The following ADAMTS9 variants were observed in gnomAD, a reference collection of about 807,000 sequenced individuals.
ADAMTS9 encodes the protein A disintegrin and metalloproteinase with thrombospondin motifs 9.
ADAMTS9 carries 107 observed loss-of-function variants against 257.1 expected under a neutral mutation model. The observed-to-expected ratio is 0.42, with a 90% CI of 0.36 to 0.49. The LOEUF is 0.49. ADAMTS9 is among the 20% of genes least tolerant of loss of function. The probability of loss-of-function intolerance (pLI) is 0.03; values close to 1 mark genes in which losing one functional copy is unlikely to be tolerated. For synonymous variants in ADAMTS9, 982 were observed against 880.9 expected (o/e 1.11, Z -2.03); for missense variants, 2,353 against 2,469.1 (o/e 0.95, Z 1.00).
At chr3:64,645,075 C>T (rs1170370290) in intron 11 of ADAMTS9, among the ~76,000 whole-genome samples, 1 of 152,062 alleles carries the variant, frequency 6.6e-6, no homozygotes, top group Admixed American at 6.5e-5. Flanking sequence ...GAAACATGCA[C>T]CAAGATAATC....
At chr3:64,632,499 G>C (rs1700390607) in intron 14 of ADAMTS9, among the ~76,000 whole-genome samples, 1 of 152,178 alleles carries the variant, frequency 6.6e-6, no homozygotes, top group Non-Finnish European at 1.5e-5. Flanking sequence ...GCCAGCCAAA[G>C]TATGACCATG....
intron 38 of ADAMTS9, among the ~76,000 whole-genome samples, chr3:64,523,275 C>G (rs889454904): frequency 2.6e-5 from 4 of 152,200 alleles, no homozygotes; most frequent in African/African-American, 9.6e-5. Context: ...GTGGTTTTCA[C>G]TGGCTCTTAA....
chr3:64,632,317 T>C (rs957993237), intron 14 of ADAMTS9, among the ~76,000 whole-genome samples: 12 of 152,168 alleles, frequency 7.9e-5, no homozygotes, highest in African/African-American at 2.7e-4. Flanking sequence ...AAGAACTGTA[T>C]CTAATTAAAG....
chr3:64,600,688 G>A (rs2084444392), intron 26 of ADAMTS9, among the ~76,000 whole-genome samples: 1 of 152,164 alleles, frequency 6.6e-6, no homozygotes, highest in African/African-American at 2.4e-5. Context: ...CTAGGCAAAG[G>A]AAGCCCAAAA....
chr3:64,631,313 G>A, intron 16 of ADAMTS9, 142 bp downstream of exon 16: 1 of 675,812 alleles, frequency 1.5e-6, no homozygotes, highest in East Asian at 2.6e-5. Flanking sequence ...AAATACAATG[G>A]TGAATTTTGA....
At chr3:64,641,219 T>C (rs908913418) in intron 12 of ADAMTS9, among the ~76,000 whole-genome samples, 1 of 151,848 alleles carries the variant, frequency 6.6e-6, no homozygotes, top group African/African-American at 2.4e-5. Flanking sequence ...TGTGAAAATC[T>C]ATCTAGTCAC....
chr3:64,613,020 C>A (rs1343056372), intron 22 of ADAMTS9, among the ~76,000 whole-genome samples: 1 of 152,068 alleles, frequency 6.6e-6, no homozygotes, highest in East Asian at 1.9e-4. Flanking sequence ...TGTAACAGAC[C>A]CACAGAGGCA....
chr3:64,526,938 G>A (rs2082917849), intron 38 of ADAMTS9, among the ~76,000 whole-genome samples: 1 of 152,088 alleles, frequency 6.6e-6, no homozygotes, highest in Admixed American at 6.5e-5. Flanking sequence ...GTAAAAGTCT[G>A]GGTAATTATA....
At chr3:64,623,490 A>C (rs1016562362) in intron 16 of ADAMTS9, among the ~76,000 whole-genome samples, 10 of 152,208 alleles carry the variant, frequency 6.6e-5, no homozygotes, top group Non-Finnish European at 1.3e-4. Context: ...TCTTGACTAC[A>C]ACCTCATGAG....
intron 26 of ADAMTS9, among the ~76,000 whole-genome samples, chr3:64,599,938 A>G (rs1440426313): frequency 6.6e-6 from 1 of 152,190 alleles, no homozygotes; most frequent in East Asian, 1.9e-4. Flanking sequence ...CCCTCTGCAG[A>G]CAAAACTTGC....
intron 28 of ADAMTS9, 64 bp from the exon 29 acceptor site, chr3:64,568,599 C>T (rs1001784736): frequency 1.3e-6 from 2 of 1,585,394 alleles, no homozygotes; most frequent in Admixed American, 1.8e-5. Context: ...TGAGAAAAAA[C>T]CTGCGTCTTG....
intron 10 of ADAMTS9, 22 bp downstream of exon 10, chr3:64,649,615 G>A (rs770077723): frequency 6.3e-7 from 1 of 1,596,420 alleles, no homozygotes; most frequent in African/African-American, 1.3e-5. Flanking sequence ...GATGAGGGCA[G>A]AAGTGGCCCT....
chr3:64,618,853 G>C (rs528910052), intron 19 of ADAMTS9, among the ~76,000 whole-genome samples: 1 of 151,944 alleles, frequency 6.6e-6, no homozygotes, highest in African/African-American at 2.4e-5. Flanking sequence ...TCATGGCTTC[G>C]GGGGTACCTT....
intron 33 of ADAMTS9, 87 bp downstream of exon 33, chr3:64,541,751 A>C: frequency 1.3e-6 from 2 of 1,579,642 alleles, no homozygotes; most frequent in Non-Finnish European, 1.7e-6. Flanking sequence ...AAAAAATTCT[A>C]TATTTCTAAA....
At chr3:64,519,447 A>G (rs1350442320) in intron 39 of ADAMTS9, among the ~76,000 whole-genome samples, 1 of 152,156 alleles carries the variant, frequency 6.6e-6, no homozygotes, top group Non-Finnish European at 1.5e-5. Context: ...AACTCATTCT[A>G]TGAAACCTCT....
At chr3:64,590,922 A>G (rs2084247612) in intron 28 of ADAMTS9, among the ~76,000 whole-genome samples, 2 of 152,194 alleles carry the variant, frequency 1.3e-5, no homozygotes, top group Admixed American at 1.3e-4. Context: ...CCGAAGACCC[A>G]TCTTGGATAC....
chr3:64,597,192 G>C (rs1258163074), intron 26 of ADAMTS9, among the ~76,000 whole-genome samples: 1 of 152,152 alleles, frequency 6.6e-6, no homozygotes, highest in Non-Finnish European at 1.5e-5. Flanking sequence ...ACACCTGGAG[G>C]GCAGAAATGT....
At chr3:64,558,861 G>A (rs2083377153) in intron 30 of ADAMTS9, among the ~76,000 whole-genome samples, 1 of 152,206 alleles carries the variant, frequency 6.6e-6, no homozygotes, top group East Asian at 1.9e-4. Flanking sequence ...AGTGGGCTGA[G>A]AGGCTGCCCT....
At chr3:64,595,928 T>C (rs1455700353) in intron 27 of ADAMTS9, among the ~76,000 whole-genome samples, 1 of 152,220 alleles carries the variant, frequency 6.6e-6, no homozygotes. Flanking sequence ...AATAGAGAGA[T>C]ATATTCTTAG....
Sources: gnomAD v4.1 joint callset for allele counts (sites outside exome capture counted in the v4.1 genomes callset) on GRCh38, gnomAD v4.1.1 for gene constraint, MANE v1.5 for transcripts, NCBI Gene and HGNC (gene_info 2026-07-23, HGNC 2026-07-21) for gene names.